The following KLHL5 variants were observed in gnomAD, a reference collection of about 807,000 sequenced individuals.
KLHL5 encodes kelch-like protein 5.
A neutral mutation model predicts 77.7 loss-of-function variants in KLHL5; 48 were observed. The ratio of observed to expected loss-of-function variants is 0.62; its 90% CI spans 0.49 to 0.79. The LOEUF is 0.79. Ranked by LOEUF, KLHL5 falls within the 30% of genes least tolerant of loss-of-function variation. The pLI is 0.00. For missense variants in KLHL5, 723 were observed against 859.7 expected (o/e 0.84, Z 1.99); for synonymous variants, 260 against 297.0 (o/e 0.88, Z 1.28).
chr4:39,056,205 C>T (rs56105939), intron 1 of KLHL5, among the ~76,000 whole-genome samples: 18 of 152,326 alleles, frequency 1.2e-4, no homozygotes, highest in Non-Finnish European at 2.5e-4. Context: ...TCACTGCAGC[C>T]TCCACTTCCC....
the KLHL5 span, among the ~76,000 whole-genome samples, chr4:39,141,302 G>C: frequency 8.2e-6 from 1 of 121,998 alleles, no homozygotes; most frequent in Admixed American, 9.2e-5. Context: ...TTATTTTTTA[G>C]TCTTTTTTTT....
intron 6 of KLHL5, among the ~76,000 whole-genome samples, chr4:39,102,896 A>G (rs1475916204): frequency 2.6e-5 from 4 of 152,202 alleles, no homozygotes; most frequent in South Asian, 4.1e-4. Flanking sequence ...GCTAAATCCA[A>G]TAATACTTCT....
chr4:39,075,926 T>G (rs539508642), intron 1 of KLHL5, 39 bp from the exon 2 acceptor site: 1 of 1,527,718 alleles, frequency 6.5e-7, no homozygotes, highest in South Asian at 1.2e-5. Flanking sequence ...TTTAATGTGA[T>G]AGTGATATTT....
chr4:39,088,171 A>C (rs149553493), intron 5 of KLHL5, among the ~76,000 whole-genome samples: 1 of 152,222 alleles, frequency 6.6e-6, no homozygotes, highest in Admixed American at 6.5e-5. Context: ...CTGTGTAATT[A>C]AGTAACCTGA....
chr4:39,064,954 A>C (rs1204904141), intron 1 of KLHL5, among the ~76,000 whole-genome samples: 2 of 152,232 alleles, frequency 1.3e-5, no homozygotes, highest in Non-Finnish European at 2.9e-5. Flanking sequence ...TTACATCTTC[A>C]GTGACCAAAC....
intron 7 of KLHL5, among the ~76,000 whole-genome samples, chr4:39,107,247 C>T (rs976886518): frequency 2.0e-5 from 3 of 151,922 alleles, no homozygotes; most frequent in Admixed American, 2.0e-4. Context: ...GAGGTTTTGC[C>T]ATATTGGCCA....
Position 39,081,263 on chromosome 4 carries a change from T to G in KLHL5, c.703+24T>G, listed in dbSNP as rs372459282. ...AGGTAACGAGTCTGAAAATGTAAAT[T>G]AAAACCTCTTAGATTTATGTTGTAT... is the stretch of plus-strand genomic sequence containing the variant. On this transcript the variant is annotated intron_variant, in intron 3 of 10. Transcript: ENST00000504108. The surrounding 1 kb of genome is among the most constrained non-coding windows in gnomAD (Gnocchi z 4.3). The G allele has an allele frequency of 1.0e-4, 156 of 1,566,570 alleles. No homozygotes were observed. Among genetic ancestry groups the G allele is most frequent in the Non-Finnish European group, 1.3e-4 (148 of 1,157,188 alleles).
upstream of KLHL5, among the ~76,000 whole-genome samples, chr4:39,059,816 G>A (rs764255324): frequency 1.3e-5 from 2 of 152,188 alleles, no homozygotes; most frequent in East Asian, 1.9e-4. Flanking sequence ...TAAGAATTGC[G>A]TGAACCCAGG....
At chr4:39,099,704 T>C (rs910231849) in intron 6 of KLHL5, among the ~76,000 whole-genome samples, 1 of 152,200 alleles carries the variant, frequency 6.6e-6, no homozygotes, top group African/African-American at 2.4e-5. Flanking sequence ...CCATGACCAT[T>C]CAATAGCAAC....
intron 10 of KLHL5, among the ~76,000 whole-genome samples, chr4:39,117,599 G>C (rs1722931739): frequency 6.6e-6 from 1 of 152,160 alleles, no homozygotes; most frequent in African/African-American, 2.4e-5. Context: ...GGGAGGTGTG[G>C]TCTCTGAAGA....
intron 5 of KLHL5, among the ~76,000 whole-genome samples, chr4:39,090,928 G>C (rs145996994): frequency 6.7e-6 from 1 of 150,228 alleles, no homozygotes. Flanking sequence ...TCAGCCTCCT[G>C]AGTAGCTGGA....
chr4:39,132,999 GAAT>G, the KLHL5 span, among the ~76,000 whole-genome samples: 1 of 152,044 alleles, frequency 6.6e-6, no homozygotes, highest in African/African-American at 2.4e-5. Flanking sequence ...CTAGTCGCAG[GAAT>G]CAAAACCACA....
Position 39,062,609 on chromosome 4 carries a change from T to C in KLHL5, c.-44T>C. ...GTTGGATGCACAAATCTGTGTGCAG[T>C]GCTTTTTGCCCGTTGCCTAGACGAT... On this transcript the variant is annotated 5_prime_UTR_variant, in exon 1 of 11. Coordinates refer to ENST00000504108, the MANE Select transcript of KLHL5 (RefSeq NM_015990.5). 6.2e-7 allele frequency: 1 copy of C among 1,614,154 alleles called. No homozygotes were observed. The highest frequency in any genetic ancestry group is 8.5e-7 in the Non-Finnish European group (1 of 1,180,012).
the KLHL5 span, among the ~76,000 whole-genome samples, chr4:39,140,865 C>T: frequency 6.6e-6 from 1 of 152,150 alleles, no homozygotes; most frequent in African/African-American, 2.4e-5. Context: ...TTCTATTTTC[C>T]ATTTGTTCCT....
At chr4:39,061,783 C>T (rs1195413279), upstream of KLHL5, among the ~76,000 whole-genome samples, 1 of 152,184 alleles carries the variant, frequency 6.6e-6, no homozygotes, top group African/African-American at 2.4e-5. Flanking sequence ...CCCATTTCTA[C>T]TTATAGAGAA....
chr4:39,136,188 T>C, the KLHL5 span, among the ~76,000 whole-genome samples: 2 of 151,886 alleles, frequency 1.3e-5, no homozygotes, highest in African/African-American at 4.8e-5. Flanking sequence ...TTTAACTGAG[T>C]CTTTCTCTGT....
intron 2 of KLHL5, among the ~76,000 whole-genome samples, chr4:39,077,075 G>GAAAAA (rs111230532): frequency 7.2e-6 from 1 of 138,876 alleles, no homozygotes; most frequent in African/African-American, 2.6e-5. Flanking sequence ...AAATAAATCA[G>GAAAAA]AAAAAAAAAA....
intron 2 of KLHL5, among the ~76,000 whole-genome samples, chr4:39,077,731 A>C (rs1192570013): frequency 6.6e-6 from 1 of 151,812 alleles, no homozygotes; most frequent in African/African-American, 2.4e-5. Flanking sequence ...CAAACAAAAA[A>C]ACTAAAAGTA....
chr4:39,055,276 T>TTGAGAC (rs1716932696), intron 1 of KLHL5, among the ~76,000 whole-genome samples: 4 of 152,240 alleles, frequency 2.6e-5, no homozygotes, highest in Admixed American at 2.0e-4. Context: ...AATGTTTTGT[T>TTGAGAC]TTCATGGTGA....
Sources: gnomAD v4.1 joint callset for allele counts (sites outside exome capture counted in the v4.1 genomes callset) on GRCh38, gnomAD v4.1.1 for gene constraint, Gnocchi (gnomAD v3.1) non-coding constraint, MANE v1.5 for transcripts, NCBI Gene and HGNC (gene_info 2026-07-23, HGNC 2026-07-21) for gene names.